OXSR1: variants seen among roughly 807,000 people sequenced by gnomAD.
OXSR1 encodes the protein serine/threonine-protein kinase OSR1.
In OXSR1, 24 loss-of-function variants were observed where a neutral mutation model predicts 79.8. That is an observed-to-expected ratio of 0.30 (90% CI 0.22 to 0.42). The LOEUF (loss-of-function observed/expected upper bound fraction) is 0.42, where lower values mean the gene tolerates loss of function less well. OXSR1 is among the 10% of genes least tolerant of loss of function. The pLI is 1.00. For missense variants in OXSR1, 430 were observed against 618.4 expected (o/e 0.70, Z 3.23); for synonymous variants, 226 against 209.2 (o/e 1.08, Z -0.69).
At chr3:38,177,994 G>A (rs2125804737) in intron 1 of OXSR1, among the ~76,000 whole-genome samples, 2 of 152,314 alleles carry the variant, frequency 1.3e-5, no homozygotes, top group African/African-American at 4.8e-5. Flanking sequence ...TGTTGCCCAG[G>A]CTGGAGGGCA....
At chr3:38,217,760 T>C (rs959355851) in intron 5 of OXSR1, among the ~76,000 whole-genome samples, 3 of 152,100 alleles carry the variant, frequency 2.0e-5, no homozygotes, top group Non-Finnish European at 4.4e-5. Flanking sequence ...CTGTACCCAC[T>C]AAAAAATAAT....
At chr3:38,196,813 C>T (rs1482233977) in intron 3 of OXSR1, among the ~76,000 whole-genome samples, 3 of 152,160 alleles carry the variant, frequency 2.0e-5, no homozygotes, top group Admixed American at 6.5e-5. Flanking sequence ...TATTTGGTGG[C>T]ACCCAGTCTT....
intron 15 of OXSR1, 72 bp from the exon 16 acceptor site, chr3:38,251,331 C>T: frequency 1.6e-6 from 2 of 1,249,284 alleles, no homozygotes; most frequent in South Asian, 1.2e-5. Flanking sequence ...CACTGACACC[C>T]ACATGAGCTG....
chr3:38,225,575 TTTTCTG>T (rs762124740), intron 8 of OXSR1, among the ~76,000 whole-genome samples: 4 of 152,136 alleles, frequency 2.6e-5, no homozygotes, highest in Non-Finnish European at 5.9e-5. Context: ...TAATTTTTTT[TTTTCTG>T]TTTCTGAGTA....
intron 10 of OXSR1, among the ~76,000 whole-genome samples, chr3:38,231,705 T>C (rs955390727): frequency 3.3e-5 from 5 of 152,174 alleles, no homozygotes; most frequent in Admixed American, 3.3e-4. Context: ...ATAATATGTA[T>C]ATATTTTTAT....
intron 8 of OXSR1, among the ~76,000 whole-genome samples, chr3:38,228,766 G>A (rs1283509749): frequency 2.0e-5 from 3 of 152,134 alleles, no homozygotes; most frequent in Non-Finnish European, 4.4e-5. Context: ...CAGAGACTGG[G>A]TGTCACCATA....
intron 2 of OXSR1, among the ~76,000 whole-genome samples, chr3:38,185,486 C>G (rs1575317228): frequency 6.6e-6 from 1 of 152,010 alleles, no homozygotes; most frequent in African/African-American, 2.4e-5. Flanking sequence ...CTCAGGAGGC[C>G]AAGGCACAAG....
intron 11 of OXSR1, among the ~76,000 whole-genome samples, chr3:38,241,910 TA>T (rs372523146): frequency 0.036 from 5,162 of 144,748 alleles, 118 homozygotes; most frequent in Middle Eastern, 0.086. Flanking sequence ...ATAAAAGTGT[TA>T]AAAAAAAAAA....
chr3:38,252,500 G>A, intron 17 of OXSR1, 108 bp downstream of exon 17: 1 of 850,558 alleles, frequency 1.2e-6, no homozygotes, highest in Non-Finnish European at 2.0e-6. Context: ...AAATGTGGTG[G>A]ATTGTGTTCA....
chr3:38,216,091 T>A lies in OXSR1; in HGVS notation c.435-5T>A, dbSNP rs757908574. The A allele has an allele frequency of 1.2e-4, 178 of 1,535,088 alleles. No homozygotes were observed. The highest frequency in any genetic ancestry group is 1.5e-4 in the Non-Finnish European group (165 of 1,122,402). The stretch of plus-strand genomic sequence containing the variant: ...TGATACATAACTTTTTTTTTTTTTT[T>A]AAAGAGATGTGAAAGCTGGAAACAT... On this transcript the variant is annotated splice_region_variant and splice_polypyrimidine_tract_variant and intron_variant, in intron 4 of 17. Coordinates refer to ENST00000311806, the MANE Select transcript of OXSR1 (RefSeq NM_005109.3).
chr3:38,179,491 T>G (rs1209676184), intron 1 of OXSR1, among the ~76,000 whole-genome samples: 1 of 152,134 alleles, frequency 6.6e-6, no homozygotes, highest in African/African-American at 2.4e-5. Flanking sequence ...TGAGATATAA[T>G]TCACACACCA....
chr3:38,232,199 A>G (rs190402571), intron 10 of OXSR1, among the ~76,000 whole-genome samples: 1 of 150,418 alleles, frequency 6.6e-6, no homozygotes, highest in Admixed American at 6.6e-5. Context: ...GTGGGAGGAT[A>G]GCTTGATCGC....
chr3:38,230,289 A>T (rs1702777931), intron 9 of OXSR1, 76 bp from the exon 10 acceptor site: 2 of 867,360 alleles, frequency 2.3e-6, no homozygotes, highest in African/African-American at 1.7e-5. Flanking sequence ...CATTTTGATT[A>T]TGGTGAACTT....
At position 38,186,260 on chromosome 3, in the gene OXSR1, A is replaced by G. The variant is rs374149992; in HGVS notation, c.183+3145A>G. ...TTGAAGATTTTTTTTTTAAAGGGAA[A>G]TGACTTCATTAGAACTGAGTTTTAG... On this transcript the variant is annotated intron_variant, in intron 2 of 17. Coordinates refer to ENST00000311806, the MANE Select transcript of OXSR1 (RefSeq NM_005109.3). 3.5e-4 allele frequency among the ~76,000 whole-genome samples: 54 copies of G among 152,298 alleles called. 2 individuals are homozygous for G. In the South Asian group the frequency reaches 0.011, roughly 32 times the overall value.
chr3:38,190,167 A>G (rs964780896), intron 2 of OXSR1, among the ~76,000 whole-genome samples: 1 of 152,210 alleles, frequency 6.6e-6, no homozygotes, highest in African/African-American at 2.4e-5. Flanking sequence ...GCATTTTGTC[A>G]TACCAAATCT....
In OXSR1 at chr3:38,223,915, T is replaced by G; in HGVS notation, c.702+2T>G. On this transcript the variant is annotated splice_donor_variant, in intron 7 of 17. Coordinates refer to ENST00000311806, the MANE Select transcript of OXSR1 (RefSeq NM_005109.3). LOFTEE classifies it high-confidence loss of function. ...TATCATAAATATCCACCAATGAAGG[T>G]GAGGCTTGTATTCCAAATACTACCC... 6.3e-7 allele frequency: 1 copy of G among 1,576,684 alleles called. No homozygotes were observed. Among genetic ancestry groups the G allele is most frequent in the Non-Finnish European group, 8.7e-7 (1 of 1,150,222 alleles).
intron 11 of OXSR1, among the ~76,000 whole-genome samples, chr3:38,240,348 C>G (rs182735309): frequency 6.6e-6 from 1 of 152,036 alleles, no homozygotes; most frequent in African/African-American, 2.4e-5. Context: ...AGAAGATATA[C>G]GCAGGTACGG....
chr3:38,230,372 A>T lies in OXSR1; in HGVS notation c.893A>T (p.Glu298Val). The T allele has an allele frequency of 6.3e-7, 1 of 1,592,932 alleles. No homozygotes were observed. Among genetic ancestry groups the T allele is most frequent in the Non-Finnish European group, 8.6e-7 (1 of 1,164,450 alleles). Residue 298 changes from glutamate (E) to valine (V), a missense_variant, in exon 10 of 18, where the codon GAA (glutamate) becomes GTA (valine). Transcript: ENST00000311806. ...HKFFQKAKNKEFLQEKTLQRA... is the reference protein window; with the variant it reads ...HKFFQKAKNKVFLQEKTLQRA... ...CTTACTTTTCCTCTCCAGAATAAAG[A>T]ATTTCTTCAAGAAAAAACATTGCAG...
At chr3:38,215,287 T>TA (rs1286530522) in intron 4 of OXSR1, among the ~76,000 whole-genome samples, 5 of 152,248 alleles carry the variant, frequency 3.3e-5, no homozygotes, top group Admixed American at 2.6e-4. Flanking sequence ...TGCTGGCTGT[T>TA]ACTAGTTTTT....
Sources: allele counts gnomAD v4.1 joint callset (sites outside exome capture counted in the v4.1 genomes callset), GRCh38; gene constraint gnomAD v4.1.1; transcripts MANE v1.5; gene names NCBI Gene and HGNC (gene_info 2026-07-23, HGNC 2026-07-21).